The following ZMYM2 variants were observed in gnomAD, a reference collection of about 807,000 sequenced individuals.
ZMYM2 encodes zinc finger MYM-type containing 2.
In ZMYM2, 56 loss-of-function variants were observed where a neutral mutation model predicts 162.8. That is an observed-to-expected ratio of 0.34 (90% CI 0.28 to 0.43). The LOEUF (loss-of-function observed/expected upper bound fraction) is 0.43, where lower values mean the gene tolerates loss of function less well. Among genes scored for constraint, ZMYM2 ranks in the 20% least tolerant of loss-of-function variants. The pLI, the probability that ZMYM2 is intolerant of heterozygous loss-of-function variation, is 1.00. For synonymous variants in ZMYM2, 510 were observed against 541.6 expected (o/e 0.94, Z 0.81); for missense variants, 1,275 against 1,621.8 (o/e 0.79, Z 3.67).
chr13:19,970,763 T>TG (rs1366082681), intron 2 of ZMYM2, among the ~76,000 whole-genome samples: 1 of 152,156 alleles, frequency 6.6e-6, no homozygotes, highest in Non-Finnish European at 1.5e-5. Context: ...TGCAGTCTTC[T>TG]GGGGGTTACA....
intron 21 of ZMYM2, among the ~76,000 whole-genome samples, chr13:20,080,135 A>G (rs1957812501): frequency 1.3e-5 from 2 of 152,170 alleles, no homozygotes; most frequent in African/African-American, 4.8e-5. Context: ...AGGAAATGCT[A>G]TTTTTAGAGC....
intron 7 of ZMYM2, chr13:20,024,988 A>G (rs543732636): frequency 4.7e-6 from 1 of 214,246 alleles, no homozygotes; most frequent in African/African-American, 2.3e-5. Context: ...ATGTTTTCTT[A>G]TACTTTTTCT....
the ZMYM2 span, among the ~76,000 whole-genome samples, chr13:19,883,850 A>G: frequency 6.6e-6 from 1 of 151,998 alleles, no homozygotes; most frequent in Non-Finnish European, 1.5e-5. Context: ...CCCACCTCCC[A>G]AGTTTGAGTA....
At chr13:19,893,450 AAT>A in the ZMYM2 span, among the ~76,000 whole-genome samples, 1 of 151,762 alleles carries the variant, frequency 6.6e-6, no homozygotes, top group Non-Finnish European at 1.5e-5. Flanking sequence ...TTAACACACA[AAT>A]ATAGTCCAGG....
At chr13:19,920,430 G>C in the ZMYM2 span, among the ~76,000 whole-genome samples, 1 of 152,018 alleles carries the variant, frequency 6.6e-6, no homozygotes, top group Non-Finnish European at 1.5e-5. Context: ...TTCTTCAAGG[G>C]AAGGCAGGTG....
chr13:19,876,754 T>G, the ZMYM2 span, among the ~76,000 whole-genome samples: 1 of 152,294 alleles, frequency 6.6e-6, no homozygotes, highest in African/African-American at 2.4e-5. Context: ...TTTTCAGAAC[T>G]TTTCTTATCT....
chr13:20,014,040 T>A (rs921715519), intron 6 of ZMYM2, among the ~76,000 whole-genome samples: 2 of 152,114 alleles, frequency 1.3e-5, no homozygotes, highest in Non-Finnish European at 2.9e-5. Flanking sequence ...TGTGAAGTCA[T>A]CTGATCTTGG....
chr13:20,018,545 T>C (rs577163884), intron 6 of ZMYM2, among the ~76,000 whole-genome samples: 3 of 152,348 alleles, frequency 2.0e-5, no homozygotes, highest in East Asian at 1.9e-4. Context: ...TTGTTGTTTA[T>C]CTGTGCTCTC....
At chr13:20,046,579 A>ATGTGTGTGTG (rs1354962013) in intron 12 of ZMYM2, among the ~76,000 whole-genome samples, 9 of 41,074 alleles carry the variant, frequency 2.2e-4, no homozygotes, top group Non-Finnish European at 4.3e-4. Flanking sequence ...ATATATATAT[A>ATGTGTGTGTG]TATGTGTGTG....
chr13:19,995,401 A>G (rs1472394773), intron 3 of ZMYM2, among the ~76,000 whole-genome samples: 1 of 152,100 alleles, frequency 6.6e-6, no homozygotes, highest in Non-Finnish European at 1.5e-5. Context: ...TAAATAAGCA[A>G]TACTTTTTTT....
chr13:20,029,003 A>G (rs950595308), intron 9 of ZMYM2, among the ~76,000 whole-genome samples: 2 of 152,180 alleles, frequency 1.3e-5, no homozygotes, highest in Non-Finnish European at 2.9e-5. Context: ...AGCAAACCAT[A>G]TATTTTGAAC....
intron 4 of ZMYM2, among the ~76,000 whole-genome samples, chr13:20,004,346 C>G (rs1361485316): frequency 6.6e-6 from 1 of 152,082 alleles, no homozygotes; most frequent in Non-Finnish European, 1.5e-5. Flanking sequence ...AGCTCCGTCT[C>G]CTGGGTTCAT....
chr13:19,885,109 G>A, the ZMYM2 span, among the ~76,000 whole-genome samples: 1 of 152,080 alleles, frequency 6.6e-6, no homozygotes, highest in African/African-American at 2.4e-5. Flanking sequence ...GTCCCCACCC[G>A]ACCCAGAGGG....
upstream of ZMYM2, among the ~76,000 whole-genome samples, chr13:19,956,687 G>T (rs541731728): frequency 4.5e-4 from 69 of 152,292 alleles, no homozygotes; most frequent in African/African-American, 1.5e-3. Context: ...GGAATTAGTA[G>T]CAGTATAGAG....
the ZMYM2 span, among the ~76,000 whole-genome samples, chr13:19,912,050 C>T: frequency 6.6e-6 from 1 of 152,200 alleles, no homozygotes; most frequent in South Asian, 2.1e-4. Flanking sequence ...CAGGTGATGA[C>T]TCCAATTGCA....
At chr13:19,870,542 TCTTTCTTTCTTC>T in the ZMYM2 span, among the ~76,000 whole-genome samples, 1 of 84,912 alleles carries the variant, frequency 1.2e-5, no homozygotes, top group East Asian at 3.3e-4. Flanking sequence ...TCTTTCTCTT[TCTTTCTTTCTTC>T]CTTCCTTCCT....
chr13:20,067,130 T>C, intron 20 of ZMYM2, 109 bp from the exon 21 acceptor site: 1 of 1,376,046 alleles, frequency 7.3e-7, no homozygotes. Context: ...CCTGTAAGAA[T>C]GCATTTTATT....
At chr13:19,883,156 T>C in the ZMYM2 span, among the ~76,000 whole-genome samples, 4 of 152,202 alleles carry the variant, frequency 2.6e-5, no homozygotes, top group Non-Finnish European at 4.4e-5. Flanking sequence ...ATAGATCTTA[T>C]ACTGTATGGC....
chr13:20,025,928 A>T (rs1952543615), intron 7 of ZMYM2: 3 of 152,212 alleles, frequency 2.0e-5, no homozygotes. Flanking sequence ...TCACTGAGTG[A>T]AACATCGTTA....
Sources: gnomAD v4.1 joint callset for allele counts (sites outside exome capture counted in the v4.1 genomes callset) on GRCh38, gnomAD v4.1.1 for gene constraint, MANE v1.5 for transcripts, NCBI Gene and HGNC (gene_info 2026-07-23, HGNC 2026-07-21) for gene names.